Variants in TNRC6A observed in about 807,000 individuals in gnomAD.
TNRC6A encodes the protein trinucleotide repeat-containing gene 6A protein.
TNRC6A carries 44 observed loss-of-function variants against 221.2 expected under a neutral mutation model. The ratio of observed to expected loss-of-function variants is 0.20; its 90% CI spans 0.16 to 0.26. The LOEUF (loss-of-function observed/expected upper bound fraction) is 0.26, where lower values mean the gene tolerates loss of function less well. Among genes scored for constraint, TNRC6A ranks in the 10% least tolerant of loss-of-function variants. The pLI is 1.00. For missense variants in TNRC6A, 2,199 were observed against 2,404.4 expected, an observed-to-expected ratio of 0.91 and a Z score of 1.79; for synonymous variants, 847 against 838.5, an observed-to-expected ratio of 1.01 and a Z score of -0.18.
intron 2 of TNRC6A, among the ~76,000 whole-genome samples, chr16:24,697,827 G>A (rs1275604018): frequency 6.6e-6 from 1 of 151,960 alleles, no homozygotes; most frequent in Non-Finnish European, 1.5e-5. Context: ...GGATCACAAG[G>A]TCAAGAGATC....
intron 2 of TNRC6A, among the ~76,000 whole-genome samples, chr16:24,657,548 A>ACATTTGTACATTTGTAC (rs2054943076): frequency 6.6e-6 from 1 of 151,996 alleles, no homozygotes; most frequent in Admixed American, 6.6e-5. Flanking sequence ...CGTTTCCATT[A>ACATTTGTACATTTGTAC]AAATACAAAA....
Position 24,805,867 on chromosome 16 carries a change from A to C in TNRC6A, c.4251+134A>C, listed in dbSNP as rs572457341. ...ATAGTCCTCATGGAGCTTACAGTCT[A>C]TCGGGGGAGACAGATCGTGAACATT... is the stretch of plus-strand genomic sequence containing the variant. On this transcript the variant is annotated intron_variant, in intron 15 of 24. Transcript: ENST00000395799. 11 of 1,183,480 alleles carry C rather than the reference A, an allele frequency of 9.3e-6. No individual in the cohort carries two copies. The East Asian group carries it at 2.6e-4, about 28-fold the overall frequency. 73.3% of individuals were successfully genotyped at this position (1,183,480 alleles called of 1,614,324 possible).
chr16:24,734,974 A>G (rs1177540559), intron 2 of TNRC6A, among the ~76,000 whole-genome samples: 1 of 152,232 alleles, frequency 6.6e-6, no homozygotes, highest in South Asian at 2.1e-4. Flanking sequence ...CGTGGGACAA[A>G]TGCTATATTA....
intron 2 of TNRC6A, among the ~76,000 whole-genome samples, chr16:24,681,400 G>T (rs1487362760): frequency 6.6e-6 from 1 of 151,678 alleles, no homozygotes; most frequent in Non-Finnish European, 1.5e-5. Context: ...GCTAATTTTT[G>T]TATTTTTAGT....
At chr16:24,714,702 G>A (rs1275827519) in intron 2 of TNRC6A, among the ~76,000 whole-genome samples, 2 of 151,954 alleles carry the variant, frequency 1.3e-5, no homozygotes, top group East Asian at 3.9e-4. Flanking sequence ...TATCTTTCAG[G>A]GCTTTGCTTA....
At position 24,814,785 on chromosome 16, in the gene TNRC6A, ATGT is replaced by A. The variant is rs1294858968; in HGVS notation, c.4673-358_4673-356del. ...TTCGGTGTCTTTTAGTATATTCATG[ATGT>A]TGTGTAGCCATCACCACAATCCATT... On this transcript the variant is annotated intron_variant, in intron 18 of 24. Transcript: ENST00000395799. Among the ~76,000 whole-genome samples the A allele has an allele frequency of 2.6e-5, 4 of 152,242 alleles. No individual in the cohort carries two copies. The South Asian group carries it at 6.2e-4, about 24-fold the overall frequency.
intron 2 of TNRC6A, among the ~76,000 whole-genome samples, chr16:24,699,951 AG>A (rs1314442913): frequency 2.3e-5 from 2 of 87,870 alleles, no homozygotes; most frequent in African/African-American, 7.2e-5. Flanking sequence ...TAGCAGAGAC[AG>A]GCTTTAAATC....
intron 2 of TNRC6A, among the ~76,000 whole-genome samples, chr16:24,701,145 T>C (rs2055965990): frequency 6.6e-6 from 1 of 152,198 alleles, no homozygotes; most frequent in South Asian, 2.1e-4. Context: ...AGCCAAAATG[T>C]ATGAGTAACA....
upstream of TNRC6A, among the ~76,000 whole-genome samples, chr16:24,725,135 G>C (rs2056470560): frequency 6.6e-6 from 1 of 152,142 alleles, no homozygotes; most frequent in Non-Finnish European, 1.5e-5. Context: ...CTAATGGATT[G>C]ATGCAAGTAA....
intron 2 of TNRC6A, among the ~76,000 whole-genome samples, chr16:24,738,401 G>C (rs113464522): frequency 1.9e-4 from 29 of 152,148 alleles, no homozygotes; most frequent in African/African-American, 6.7e-4. Context: ...TCTAATTCTA[G>C]AATTTTCACC....
chr16:24,787,139 C>T (rs998110146), intron 5 of TNRC6A, among the ~76,000 whole-genome samples: 7 of 152,140 alleles, frequency 4.6e-5, no homozygotes, highest in African/African-American at 1.4e-4. Context: ...TTGACCCTAA[C>T]GAGGCACTTA....
intron 2 of TNRC6A, among the ~76,000 whole-genome samples, chr16:24,669,251 C>G (rs2055239108): frequency 6.6e-6 from 1 of 152,098 alleles, no homozygotes; most frequent in African/African-American, 2.4e-5. Context: ...ATAATCCCAG[C>G]AGTTTGGGAG....
At chr16:24,674,826 A>T (rs1409793065) in intron 2 of TNRC6A, among the ~76,000 whole-genome samples, 1 of 151,830 alleles carries the variant, frequency 6.6e-6, no homozygotes, top group Non-Finnish European at 1.5e-5. Context: ...CAAAGTAACC[A>T]TCTCTGTCAA....
intron 2 of TNRC6A, among the ~76,000 whole-genome samples, chr16:24,709,867 A>C (rs1173359868): frequency 6.6e-6 from 1 of 150,594 alleles, no homozygotes; most frequent in African/African-American, 2.4e-5. Flanking sequence ...TGACTCGGCT[A>C]TTCCACTTCG....
At chr16:24,725,162 C>A (rs1210841515), upstream of TNRC6A, among the ~76,000 whole-genome samples, 1 of 152,090 alleles carries the variant, frequency 6.6e-6, no homozygotes, top group African/African-American at 2.4e-5. Flanking sequence ...AATGACAACA[C>A]TAGCAGTTTC....
rs575176088 is a variant in TNRC6A, at chr16:24,777,080, C to T, written c.311C>T (p.Pro104Leu). The change falls in exon 5 of 25, where the codon CCG becomes CTG. Residue 104 changes from proline (P) to leucine (L), a missense_variant. Transcript: ENST00000395799. The stretch of plus-strand genomic sequence containing the variant: ...CAGCAGCAGCAGCAACAGCAGCAGC[C>T]GCAGCAGCAGCAGCCACAGCAGCAG... ...QPQQQQQQQQPQQQQPQQQPQ... is the reference protein window; with the variant it reads ...QPQQQQQQQQLQQQQPQQQPQ... 10 of 1,603,780 alleles carry T rather than the reference C, an allele frequency of 6.2e-6. No individual in the cohort carries two copies. Among genetic ancestry groups the T allele is most frequent in the Admixed American group, 1.7e-5 (1 of 59,572 alleles).
chr16:24,714,484 T>C (rs1567381082), intron 2 of TNRC6A, among the ~76,000 whole-genome samples: 1 of 151,494 alleles, frequency 6.6e-6, no homozygotes, highest in Non-Finnish European at 1.5e-5. Flanking sequence ...AATTTTTTTT[T>C]AGTAGAGATG....
intron 5 of TNRC6A, among the ~76,000 whole-genome samples, chr16:24,782,329 T>TC: frequency 6.6e-6 from 1 of 152,216 alleles, no homozygotes; most frequent in East Asian, 1.9e-4. Context: ...GGTTGTGATA[T>TC]TGCATTTGTC....
chr16:24,747,569 A>C (rs1305948613), intron 2 of TNRC6A, among the ~76,000 whole-genome samples: 1 of 152,180 alleles, frequency 6.6e-6, no homozygotes, highest in Non-Finnish European at 1.5e-5. Flanking sequence ...ATATAGTCAG[A>C]TGTCTTAAGT....
Sources: allele counts gnomAD v4.1 joint callset (sites outside exome capture counted in the v4.1 genomes callset), GRCh38; gene constraint gnomAD v4.1.1; transcripts MANE v1.5; gene names NCBI Gene and HGNC (gene_info 2026-07-23, HGNC 2026-07-21).